The following DAB1 variants were observed in gnomAD, a reference collection of about 807,000 sequenced individuals.
DAB1 encodes DAB adaptor protein 1.
DAB1 carries 15 observed loss-of-function variants against 64.6 expected under a neutral mutation model. The observed-to-expected ratio is 0.23, with a 90% CI of 0.16 to 0.36. The LOEUF (loss-of-function observed/expected upper bound fraction) is 0.36, where lower values mean the gene tolerates loss of function less well. DAB1 is among the 10% of genes least tolerant of loss of function. The probability of loss-of-function intolerance (pLI) is 1.00; values close to 1 mark genes in which losing one functional copy is unlikely to be tolerated. For synonymous variants in DAB1, 235 were observed against 251.9 expected (o/e 0.93, Z 0.64); for missense variants, 596 against 706.7 (o/e 0.84, Z 1.78).
At chr1:57,555,016 G>A (rs1287021622) in intron 7 of DAB1, among the ~76,000 whole-genome samples, 1 of 144,824 alleles carries the variant, frequency 6.9e-6, no homozygotes, top group African/African-American at 2.5e-5. Flanking sequence ...CTCAATCTTC[G>A]GTATCTCTAT....
At chr1:58,449,729 A>G (rs1645111677) in intron 3 of DAB1, among the ~76,000 whole-genome samples, 1 of 136,772 alleles carries the variant, frequency 7.3e-6, no homozygotes, top group Non-Finnish European at 1.7e-5. Context: ...TCCCCAAAGG[A>G]GACAACTTCC....
intron 4 of DAB1, among the ~76,000 whole-genome samples, chr1:58,180,125 G>C (rs1656694276): frequency 6.6e-6 from 1 of 151,568 alleles, no homozygotes; most frequent in Admixed American, 6.6e-5. Context: ...CTATCTGTAA[G>C]GGATCCTGGA....
At chr1:57,808,389 C>T (rs1241512596) in intron 6 of DAB1, among the ~76,000 whole-genome samples, 1 of 152,134 alleles carries the variant, frequency 6.6e-6, no homozygotes, top group Non-Finnish European at 1.5e-5. Context: ...TCTAGTCAAC[C>T]CTCAACTGAT....
intron 5 of DAB1, among the ~76,000 whole-genome samples, chr1:57,969,596 AT>A (rs1645749275): frequency 6.6e-6 from 1 of 152,236 alleles, no homozygotes; most frequent in Admixed American, 6.5e-5. Flanking sequence ...AAGTATAAGT[AT>A]CCTCATGCAT....
chr1:57,051,052 G>A (rs779312983), intron 9 of DAB1, among the ~76,000 whole-genome samples: 1 of 152,118 alleles, frequency 6.6e-6, no homozygotes, highest in Non-Finnish European at 1.5e-5. Flanking sequence ...GAGGAGAGGC[G>A]AAACCAAATA....
At chr1:58,426,935 C>T (rs185917512) in intron 3 of DAB1, among the ~76,000 whole-genome samples, 127 of 152,290 alleles carry the variant, frequency 8.3e-4, no homozygotes, top group African/African-American at 2.9e-3. Flanking sequence ...AAAGGCCTCA[C>T]TGCAAAGAAA....
chr1:57,779,838 C>T (rs1169268787), intron 6 of DAB1, among the ~76,000 whole-genome samples: 1 of 152,148 alleles, frequency 6.6e-6, no homozygotes, highest in Non-Finnish European at 1.5e-5. Context: ...TCCCCCATCA[C>T]ACTTTACCTC....
At chr1:57,548,247 A>T (rs1644876980) in intron 7 of DAB1, among the ~76,000 whole-genome samples, 1 of 152,010 alleles carries the variant, frequency 6.6e-6, no homozygotes, top group African/African-American at 2.4e-5. Context: ...TTACAACCAC[A>T]CTCTGCAACA....
In DAB1 at chr1:57,713,964, A is replaced by G. The variant is rs1163867802; in HGVS notation, n.552-64299T>C. ...TGATTTATTCATTCATTCCACCTAC[A>G]TCTGTTCCTAAGCACCTGTTATATG... On this transcript the variant is annotated intron_variant and non_coding_transcript_variant, in intron 6 of 20. Transcript: ENST00000485760. 2.0e-5 allele frequency among the ~76,000 whole-genome samples: 3 copies of G among 152,142 alleles called. No individual in the cohort carries two copies. The East Asian group carries it at 5.8e-4, about 29-fold the overall frequency.
intron 14 of DAB1, among the ~76,000 whole-genome samples, chr1:57,003,251 T>C (rs1022555309): frequency 1.3e-5 from 2 of 152,248 alleles, no homozygotes; most frequent in Admixed American, 6.5e-5. Flanking sequence ...CTATGAATTA[T>C]GTGCTCGACT....
At chr1:57,348,155 C>G (rs1353264010) in intron 1 of DAB1, among the ~76,000 whole-genome samples, 1 of 152,180 alleles carries the variant, frequency 6.6e-6, no homozygotes, top group African/African-American at 2.4e-5. Context: ...GTATTCAAAA[C>G]TTGCCGAGTG....
intron 2 of DAB1, among the ~76,000 whole-genome samples, chr1:57,264,232 C>T (rs750273291): frequency 4.6e-5 from 7 of 152,130 alleles, no homozygotes; most frequent in South Asian, 2.1e-4. Flanking sequence ...TTATTGTTCA[C>T]CTACTAGACA....
rs1415485738 is a variant in DAB1, at chr1:58,130,747, G to A, written n.387+19764C>T. ...AGTTTGGCTGGATATGAAATTCTGG[G>A]TTGAAAATTCTTTTCTTTAAGAATG... On this transcript the variant is annotated intron_variant and non_coding_transcript_variant, in intron 5 of 20. Coordinates refer to the DAB1 transcript ENST00000485760. 2.6e-5 allele frequency among the ~76,000 whole-genome samples: 4 copies of A among 151,842 alleles called. No homozygotes were observed. In the South Asian group the frequency reaches 6.3e-4, roughly 24 times the overall value.
intron 5 of DAB1, among the ~76,000 whole-genome samples, chr1:58,085,958 CTTTTTTTTTTTTT>C (rs911523306): frequency 1.0e-5 from 1 of 98,724 alleles, no homozygotes; most frequent in African/African-American, 4.5e-5. Flanking sequence ...ATCTCTCTCT[CTTTTTTTTTTTTT>C]TTTTTTTTTT....
chr1:58,405,947 A>T (rs1048971462), intron 3 of DAB1, among the ~76,000 whole-genome samples: 1 of 152,168 alleles, frequency 6.6e-6, no homozygotes, highest in Non-Finnish European at 1.5e-5. Context: ...CTCAGGAGAC[A>T]TCCCTGAACC....
In DAB1 at chr1:58,218,989, T is replaced by TTCTCTCTCTC. The variant is rs1049058578; in HGVS notation, n.310-68411_310-68402dup. Among the ~76,000 whole-genome samples, 291 of 125,888 alleles carry TTCTCTCTCTC rather than the reference T, an allele frequency of 2.3e-3. 1 individual carries two copies. Among genetic ancestry groups the TTCTCTCTCTC allele is most frequent in the African/African-American group, 8.0e-3 (241 of 30,100 alleles). The allele number at this position is 125,888 out of a possible 152,430, so 82.6% of individuals were successfully genotyped here. On this transcript the variant is annotated intron_variant and non_coding_transcript_variant, in intron 4 of 20. Transcript: ENST00000485760. ...GAGTAATCCCCCATAATTCTGGCCA[T>TTCTCTCTCTC]TCTCTCTCTCTCTCTCTCTCTCTCT...
intron 4 of DAB1, among the ~76,000 whole-genome samples, chr1:58,232,476 TACACACACACACACAC>T (rs58863239): frequency 0.013 from 1,847 of 144,108 alleles, 31 homozygotes; most frequent in African/African-American, 0.037. Context: ...TCTGAGTGAA[TACACACACACACACAC>T]ACACACACAC....
upstream of DAB1, among the ~76,000 whole-genome samples, chr1:57,427,524 C>T (rs1366382433): frequency 6.6e-6 from 1 of 152,252 alleles, no homozygotes; most frequent in Non-Finnish European, 1.5e-5. Flanking sequence ...AATCAAATGT[C>T]AGAAATCGTA....
chr1:57,423,055 C>T (rs966757104), intron 1 of DAB1, among the ~76,000 whole-genome samples: 2 of 151,826 alleles, frequency 1.3e-5, no homozygotes, highest in African/African-American at 2.4e-5. Context: ...CGACCTCCCC[C>T]CATCTCGGAC....
Sources: allele counts gnomAD v4.1 joint callset (sites outside exome capture counted in the v4.1 genomes callset), GRCh38; gene constraint gnomAD v4.1.1; transcripts MANE v1.5; gene names NCBI Gene and HGNC (gene_info 2026-07-23, HGNC 2026-07-21).